The following KLRG1 variants were observed in gnomAD, a reference collection of about 807,000 sequenced individuals.
KLRG1 encodes killer cell lectin like receptor G1.
A neutral mutation model predicts 21.8 loss-of-function variants in KLRG1; 16 were observed. The observed-to-expected ratio is 0.73, with a 90% CI of 0.50 to 1.11. The LOEUF is 1.11. Ranked by LOEUF, KLRG1 falls within the 50% of genes most tolerant of loss-of-function variation. The pLI, the probability that KLRG1 is intolerant of heterozygous loss-of-function variation, is 0.00. For missense variants in KLRG1, 173 were observed against 218.3 expected (o/e 0.79, Z 1.31); for synonymous variants, 69 against 75.9 (o/e 0.91, Z 0.47).
the KLRG1 span, chr12:9,166,249 T>A: frequency 6.3e-7 from 1 of 1,593,070 alleles, no homozygotes; most frequent in Non-Finnish European, 8.6e-7. Flanking sequence ...ATTCATTAAT[T>A]TCATGGTGCA....
the KLRG1 span, among the ~76,000 whole-genome samples, chr12:9,140,997 T>C: frequency 5.6e-3 from 847 of 152,234 alleles, 10 homozygotes; most frequent in Non-Finnish European, 8.6e-3. Context: ...ATAACTTAAA[T>C]ATACTCAAAA....
the KLRG1 span, among the ~76,000 whole-genome samples, chr12:9,141,982 G>C: frequency 3.9e-5 from 6 of 152,132 alleles, no homozygotes; most frequent in Non-Finnish European, 7.4e-5. Context: ...CTTTTAAATT[G>C]TACAACATTT....
the KLRG1 span, among the ~76,000 whole-genome samples, chr12:9,019,015 C>G: frequency 6.6e-6 from 1 of 152,140 alleles, no homozygotes; most frequent in Admixed American, 6.6e-5. Context: ...CATTTGCAAA[C>G]TATCCATCTG....
At chr12:9,193,247 A>G in the KLRG1 span, among the ~76,000 whole-genome samples, 1 of 152,156 alleles carries the variant, frequency 6.6e-6, no homozygotes, top group African/African-American at 2.4e-5. Context: ...CCTTGCAGAT[A>G]ATGTTTTGCG....
the KLRG1 span, among the ~76,000 whole-genome samples, chr12:9,144,055 A>G: frequency 6.6e-6 from 1 of 152,230 alleles, no homozygotes; most frequent in Non-Finnish European, 1.5e-5. Context: ...CCCGGGTACC[A>G]TGAGAAAGTC....
chr12:8,987,586 T>G (rs1342110184), upstream of KLRG1: 2 of 152,236 alleles, frequency 1.3e-5, no homozygotes, highest in Non-Finnish European at 2.9e-5. Flanking sequence ...ATATTCACAT[T>G]GTTGTGTACC....
At chr12:9,069,699 G>T in the KLRG1 span, 2 of 1,481,404 alleles carry the variant, frequency 1.4e-6, no homozygotes, top group African/African-American at 2.8e-5. Context: ...TCCCTTAGAG[G>T]ATTATTATCT....
At chr12:9,145,206 A>G in the KLRG1 span, among the ~76,000 whole-genome samples, 1 of 152,100 alleles carries the variant, frequency 6.6e-6, no homozygotes, top group Non-Finnish European at 1.5e-5. Context: ...TATTTTTGCC[A>G]TGTTAGTTGT....
chr12:9,179,471 A>G, the KLRG1 span, among the ~76,000 whole-genome samples: 1 of 152,222 alleles, frequency 6.6e-6, no homozygotes, highest in African/African-American at 2.4e-5. Context: ...AACTATAGTC[A>G]AAAGCAGATA....
At position 8,965,368 on chromosome 12, in the gene KLRG1, A is replaced by C. The variant is rs752328904; in HGVS notation, c.-156+15132A>C. Among the ~76,000 whole-genome samples the C allele has an allele frequency of 8.5e-4, 130 of 152,354 alleles. 2 individuals are homozygous for C. Among genetic ancestry groups the C allele is most frequent in the African/African-American group, 2.9e-3 (120 of 41,580 alleles). ...CAGGCAAGAGAAGGAAATAAAGGGT[A>C]TTCAATTAGGAAAAGAGGAAGTCAA... On this transcript the variant is annotated intron_variant, in intron 1 of 4. Transcript: ENST00000539240.
the KLRG1 span, chr12:9,090,474 C>T: frequency 1.9e-6 from 3 of 1,613,696 alleles, no homozygotes; most frequent in Non-Finnish European, 2.5e-6. Context: ...CTTCCAGCTG[C>T]ACACTGACCT....
chr12:9,109,245 G>A, the KLRG1 span: 2 of 1,185,288 alleles, frequency 1.7e-6, no homozygotes, highest in South Asian at 2.6e-5. Context: ...CTCCCGGAGA[G>A]AGTAGTTAAA....
the KLRG1 span, chr12:9,194,079 G>A: frequency 7.5e-6 from 12 of 1,610,046 alleles, no homozygotes; most frequent in Admixed American, 1.7e-5. Context: ...ATACTTACCC[G>A]GACAAAAAGT....
chr12:9,210,081 A>T, the KLRG1 span, among the ~76,000 whole-genome samples: 2 of 152,098 alleles, frequency 1.3e-5, no homozygotes, highest in African/African-American at 2.4e-5. Context: ...TATAGCAGAG[A>T]TTGGGTTATA....
chr12:9,179,520 G>C, the KLRG1 span, among the ~76,000 whole-genome samples: 2 of 152,270 alleles, frequency 1.3e-5, no homozygotes, highest in African/African-American at 2.4e-5. Context: ...TGCTAACAAA[G>C]GTGTAGTAGG....
chr12:8,961,403 TTTTA>T (rs1022786875), intron 1 of KLRG1, among the ~76,000 whole-genome samples: 1 of 151,932 alleles, frequency 6.6e-6, no homozygotes, highest in Non-Finnish European at 1.5e-5. Context: ...AGATGGCAAT[TTTTA>T]TTTATTTATT....
the KLRG1 span, chr12:9,182,068 G>A: frequency 9.3e-6 from 15 of 1,613,616 alleles, no homozygotes; most frequent in East Asian, 1.3e-4. Context: ...TTCGTGCAAT[G>A]GGGGCAACGT....
chr12:9,103,732 G>A, the KLRG1 span, among the ~76,000 whole-genome samples: 1 of 152,164 alleles, frequency 6.6e-6, no homozygotes, highest in Non-Finnish European at 1.5e-5. Flanking sequence ...GCTGTAGCAT[G>A]TGACAGGATT....
Position 8,969,534 on chromosome 12 carries a change from TA to T in KLRG1, c.-156+19308del, listed in dbSNP as rs368207467. ...TCTGGTTGAGCTCTTTTATTTTAGT[TA>T]AAAAAAAAAGTCTCAAATCAATGAT... On this transcript the variant is annotated intron_variant, in intron 1 of 4. Transcript: ENST00000539240. Among the ~76,000 whole-genome samples, 132 of 146,688 alleles carry T rather than the reference TA, an allele frequency of 9.0e-4. 1 individual carries two copies. The highest frequency in any genetic ancestry group is 2.7e-3 in the African/African-American group (110 of 40,022).
Sources: gnomAD v4.1 joint callset for allele counts (sites outside exome capture counted in the v4.1 genomes callset) on GRCh38, gnomAD v4.1.1 for gene constraint, MANE v1.5 for transcripts, NCBI Gene and HGNC (gene_info 2026-07-23, HGNC 2026-07-21) for gene names.